The following S100Z variants were observed in gnomAD, a reference collection of about 807,000 sequenced individuals.
S100Z encodes protein S100-Z.
S100Z carries 11 observed loss-of-function variants against 8.5 expected under a neutral mutation model. The observed-to-expected ratio is 1.30, with a 90% confidence interval of 0.82 to 2.15. The LOEUF (loss-of-function observed/expected upper bound fraction) is 2.15, where lower values mean the gene tolerates loss of function less well. S100Z is among the 30% of genes most tolerant of loss of function. The pLI, the probability that S100Z is intolerant of heterozygous loss-of-function variation, is 0.00. For synonymous variants in S100Z, 34 were observed against 43.8 expected, an observed-to-expected ratio of 0.78 and a Z score of 0.89; for missense variants, 126 against 117.9, an observed-to-expected ratio of 1.07 and a Z score of -0.32.
At position 76,920,860 on chromosome 5, in the gene S100Z, T is replaced by C. The variant is rs1745013594; in HGVS notation, c.*146T>C. 6.6e-6 allele frequency: 1 copy of C among 152,216 alleles called. No individual in the cohort carries two copies. Among genetic ancestry groups the C allele is most frequent in the Non-Finnish European group, 1.5e-5 (1 of 68,048 alleles). The allele number at this position is 152,216 out of a possible 1,614,324, so 9.4% of individuals were successfully genotyped here. A position where few individuals can be genotyped will look rare whatever the true frequency, so the allele number is the denominator to read the frequency against. On this transcript the variant is annotated 3_prime_UTR_variant, in exon 5 of 5. Transcript: ENST00000317593. ...GCTTGGGGGCTTTGGAGAAAGCTGC[T>C]TGAGCCCTTCCCATGCTCATAAATT...
At chr5:76,902,376 G>A (rs1329167707) in intron 4 of S100Z, among the ~76,000 whole-genome samples, 1 of 152,172 alleles carries the variant, frequency 6.6e-6, no homozygotes, top group African/African-American at 2.4e-5. Flanking sequence ...ATTTGATCCA[G>A]TTTTCCTTTC....
At chr5:76,914,516 C>T (rs774760106) in intron 4 of S100Z, among the ~76,000 whole-genome samples, 1 of 152,072 alleles carries the variant, frequency 6.6e-6, no homozygotes, top group Non-Finnish European at 1.5e-5. Flanking sequence ...GGTCCCCTTC[C>T]ATGCTGTGGA....
chr5:76,878,067 G>C (rs1177986005), intron 4 of S100Z: 1 of 284,318 alleles, frequency 3.5e-6, no homozygotes, highest in African/African-American at 2.2e-5. Context: ...TTATTAAGAG[G>C]CTATATGCAT....
the S100Z span, among the ~76,000 whole-genome samples, chr5:76,939,246 G>A: frequency 2.0e-5 from 3 of 151,696 alleles, no homozygotes; most frequent in East Asian, 2.0e-4. Context: ...TCCGCCTCCC[G>A]GGTTCATGCC....
chr5:76,880,250 C>G (rs1743355642), intron 4 of S100Z, among the ~76,000 whole-genome samples: 1 of 152,206 alleles, frequency 6.6e-6, no homozygotes. Flanking sequence ...TTTTGTGGAT[C>G]TTCAGTTACT....
intron 1 of S100Z, among the ~76,000 whole-genome samples, chr5:76,862,372 T>C (rs1215686740): frequency 6.6e-6 from 1 of 152,144 alleles, no homozygotes; most frequent in Admixed American, 6.6e-5. Flanking sequence ...ACATCCTCAC[T>C]CCTGTGATAA....
At chr5:76,922,401 A>T (rs754191675), downstream of S100Z, among the ~76,000 whole-genome samples, 1 of 152,200 alleles carries the variant, frequency 6.6e-6, no homozygotes, top group Non-Finnish European at 1.5e-5. Flanking sequence ...TGGGAAACTT[A>T]ATCTGCAAAA....
At chr5:76,869,961 T>A (rs925947836) in intron 1 of S100Z, among the ~76,000 whole-genome samples, 11 of 151,630 alleles carry the variant, frequency 7.3e-5, no homozygotes, top group Non-Finnish European at 1.5e-4. Flanking sequence ...AGGCAGAGGT[T>A]GCAGTGAGCT....
chr5:76,913,996 T>C (rs796567086), intron 4 of S100Z, among the ~76,000 whole-genome samples: 9 of 152,284 alleles, frequency 5.9e-5, no homozygotes, highest in African/African-American at 2.2e-4. Context: ...TTTAACCTTT[T>C]TGTCAAATTT....
chr5:76,933,591 C>T, the S100Z span, among the ~76,000 whole-genome samples: 2 of 152,296 alleles, frequency 1.3e-5, no homozygotes, highest in South Asian at 4.1e-4. Flanking sequence ...AGGCCCTGTA[C>T]TAAGTAAACA....
At chr5:76,929,158 G>C in the S100Z span, among the ~76,000 whole-genome samples, 1 of 152,210 alleles carries the variant, frequency 6.6e-6, no homozygotes, top group African/African-American at 2.4e-5. Context: ...CTCCTCGCTG[G>C]ACAATGCACC....
intron 1 of S100Z, among the ~76,000 whole-genome samples, chr5:76,861,997 A>C (rs1278131440): frequency 6.6e-6 from 1 of 152,092 alleles, no homozygotes; most frequent in Non-Finnish European, 1.5e-5. Flanking sequence ...CAGTGACACA[A>C]AGAAGTTTCG....
the S100Z span, among the ~76,000 whole-genome samples, chr5:76,944,601 G>A: frequency 1.3e-5 from 2 of 152,186 alleles, no homozygotes; most frequent in Non-Finnish European, 2.9e-5. Flanking sequence ...CCACCAAGGT[G>A]AGGTTAGGAG....
At chr5:76,903,765 GC>G (rs1744317632) in intron 4 of S100Z, among the ~76,000 whole-genome samples, 1 of 143,048 alleles carries the variant, frequency 7.0e-6, no homozygotes, top group Admixed American at 7.1e-5. Flanking sequence ...TCACTCTGTT[GC>G]CCAGGCTGGA....
intron 4 of S100Z, among the ~76,000 whole-genome samples, chr5:76,911,948 A>G (rs60770923): frequency 0.021 from 3,246 of 152,224 alleles, 111 homozygotes; most frequent in African/African-American, 0.073. Flanking sequence ...TTCTCTTTAT[A>G]CATCACAGAG....
At chr5:76,894,838 C>A (rs931806916) in intron 4 of S100Z, among the ~76,000 whole-genome samples, 1 of 152,126 alleles carries the variant, frequency 6.6e-6, no homozygotes, top group African/African-American at 2.4e-5. Context: ...ATCCACCCGC[C>A]TCGGCCTCCC....
At chr5:76,915,957 T>A (rs1452056259) in intron 4 of S100Z, among the ~76,000 whole-genome samples, 1 of 152,012 alleles carries the variant, frequency 6.6e-6, no homozygotes, top group African/African-American at 2.4e-5. Flanking sequence ...GAGGTTAGGA[T>A]CAAGACCAGT....
chr5:76,875,179 C>T (rs1358135179), intron 2 of S100Z, 125 bp from the exon 3 acceptor site: 2 of 475,620 alleles, frequency 4.2e-6, no homozygotes, highest in Non-Finnish European at 7.2e-6. Flanking sequence ...GCTTGAGCCA[C>T]CGCGCCTGCG....
intron 4 of S100Z, among the ~76,000 whole-genome samples, chr5:76,913,309 A>T (rs192317142): frequency 2.8e-4 from 42 of 152,392 alleles, no homozygotes; most frequent in African/African-American, 9.6e-4. Flanking sequence ...CAGGACAGGA[A>T]GATAGATGTT....
Sources: gnomAD v4.1 joint callset for allele counts (sites outside exome capture counted in the v4.1 genomes callset) on GRCh38, gnomAD v4.1.1 for gene constraint, MANE v1.5 for transcripts, NCBI Gene and HGNC (gene_info 2026-07-23, HGNC 2026-07-21) for gene names.